The following SLC12A1 variants were observed in gnomAD, a reference collection of about 807,000 sequenced individuals.
SLC12A1 encodes the protein solute carrier family 12 member 1.
Under a neutral mutation model 130.4 loss-of-function variants are expected in SLC12A1, and 89 were observed. The observed-to-expected ratio is 0.68, with a 90% CI of 0.58 to 0.81. SLC12A1 has a LOEUF of 0.81. Among genes scored for constraint, SLC12A1 ranks in the 40% least tolerant of loss-of-function variants. The pLI is 0.00. For synonymous variants in SLC12A1, 499 were observed against 460.0 expected (o/e 1.08, Z -1.09); for missense variants, 1,310 against 1,336.4 (o/e 0.98, Z 0.31).
chr15:48,276,840 A>T (rs2041958929), intron 20 of SLC12A1, among the ~76,000 whole-genome samples: 1 of 152,174 alleles, frequency 6.6e-6, no homozygotes, highest in African/African-American at 2.4e-5. Context: ...AGGTGAAGAA[A>T]CCAGAAGTCT....
At chr15:48,247,887 A>C (rs554330658) in intron 13 of SLC12A1, among the ~76,000 whole-genome samples, 1 of 152,296 alleles carries the variant, frequency 6.6e-6, no homozygotes, top group East Asian at 1.9e-4. Flanking sequence ...CTTCAGGCCC[A>C]ATTCCAGAGT....
chr15:48,249,688 T>A lies in SLC12A1; in HGVS notation c.1786+12T>A. The A allele has an allele frequency of 6.3e-7, 1 of 1,574,964 alleles. No homozygotes were observed. The highest frequency in any genetic ancestry group is 8.7e-7 in the Non-Finnish European group (1 of 1,144,342). On this transcript the variant is annotated intron_variant, in intron 14 of 26. Coordinates refer to ENST00000380993, the MANE Select transcript of SLC12A1 (RefSeq NM_000338.3). ...TGCCAAATCTCCAGGTAAGCTGACT[T>A]CCAAACTAAAATATGCCTAAGCAAA...
intron 5 of SLC12A1, chr15:48,227,051 C>A (rs773219180): frequency 5.3e-6 from 8 of 1,507,660 alleles, no homozygotes; most frequent in South Asian, 4.8e-5. Flanking sequence ...GTACTGGAAC[C>A]AAACACCTTT....
At chr15:48,247,154 T>C in intron 12 of SLC12A1, 138 bp downstream of exon 12, 2 of 961,498 alleles carry the variant, frequency 2.1e-6, no homozygotes, top group East Asian at 2.4e-5. Context: ...TGGCTCAAGT[T>C]CTATGTCTGC....
chr15:48,251,247 C>T (rs1046844293), intron 14 of SLC12A1, among the ~76,000 whole-genome samples: 1 of 151,848 alleles, frequency 6.6e-6, no homozygotes, highest in African/African-American at 2.4e-5. Context: ...TTTCTCCTCC[C>T]CACCTGGTAG....
intron 16 of SLC12A1, 44 bp from the exon 17 acceptor site, chr15:48,259,156 G>A (rs765394251): frequency 2.4e-6 from 3 of 1,270,126 alleles, no homozygotes; most frequent in Non-Finnish European, 3.5e-6. Flanking sequence ...AAGGTTACAG[G>A]CTTCTTGCAG....
At chr15:48,240,067 A>ATAT (rs1197939998) in intron 9 of SLC12A1, among the ~76,000 whole-genome samples, 1 of 98,988 alleles carries the variant, frequency 1.0e-5, no homozygotes, top group African/African-American at 6.0e-5. Flanking sequence ...ATATATATAT[A>ATAT]TATCCATATA....
chr15:48,222,280 A>G (rs2041226291), intron 4 of SLC12A1: 1 of 152,152 alleles, frequency 6.6e-6, no homozygotes, highest in South Asian at 2.1e-4. Flanking sequence ...AGCCAAGGGC[A>G]AGAGTAATTC....
chr15:48,297,457 G>A (rs935097497), intron 24 of SLC12A1, among the ~76,000 whole-genome samples: 5 of 152,188 alleles, frequency 3.3e-5, no homozygotes, highest in African/African-American at 2.4e-5. Context: ...CCCACTGAAA[G>A]TACAATGAGG....
rs189590294 is a variant in SLC12A1, at chr15:48,283,186, T to C, written c.2486-1920T>C. On this transcript the variant is annotated intron_variant, in intron 20 of 26. Transcript: ENST00000380993. The stretch of plus-strand genomic sequence containing the variant: ...CCTATAGAATGCCATTCTTGCTCTG[T>C]TTTTTAAGGACCTCCAAAACACTAT... Among the ~76,000 whole-genome samples the C allele has an allele frequency of 5.9e-5, 9 of 152,328 alleles. No homozygotes were observed. The East Asian group carries it at 7.7e-4, about 13-fold the overall frequency.
At chr15:48,261,614 A>C (rs1250404813) in intron 17 of SLC12A1, among the ~76,000 whole-genome samples, 2 of 152,236 alleles carry the variant, frequency 1.3e-5, no homozygotes, top group Non-Finnish European at 2.9e-5. Flanking sequence ...CTCAGTCGTC[A>C]ATCATCTTTG....
intron 17 of SLC12A1, among the ~76,000 whole-genome samples, chr15:48,264,397 A>G (rs982634213): frequency 1.3e-5 from 2 of 152,194 alleles, no homozygotes; most frequent in African/African-American, 4.8e-5. Flanking sequence ...GAACTGCATA[A>G]GGAAGGCAGT....
At chr15:48,227,619 A>G (rs1567309916) in intron 5 of SLC12A1, 1 of 171,830 alleles carries the variant, frequency 5.8e-6, no homozygotes, top group Non-Finnish European at 1.2e-5. Context: ...CCAACAGGCA[A>G]GGGAAGATCA....
At chr15:48,274,679 C>T in intron 20 of SLC12A1, 26 bp downstream of exon 20, 3 of 1,526,584 alleles carry the variant, frequency 2.0e-6, no homozygotes, top group Non-Finnish European at 1.8e-6. Context: ...ATTCAACCAA[C>T]AAGTATTTAT....
At chr15:48,271,702 G>A (rs776738800) in intron 19 of SLC12A1, among the ~76,000 whole-genome samples, 5 of 152,148 alleles carry the variant, frequency 3.3e-5, no homozygotes, top group Non-Finnish European at 5.9e-5. Flanking sequence ...TATAAAGCCT[G>A]GGGCCACGTA....
chr15:48,209,480 A>C (rs1391382228), intron 2 of SLC12A1, among the ~76,000 whole-genome samples: 2 of 152,214 alleles, frequency 1.3e-5, no homozygotes, highest in African/African-American at 4.8e-5. Flanking sequence ...ATTCTTTATA[A>C]AACACAATTA....
At chr15:48,225,376 T>C (rs1199768609) in intron 4 of SLC12A1, 1 of 152,190 alleles carries the variant, frequency 6.6e-6, no homozygotes. Flanking sequence ...CTAGTTATCT[T>C]GACAGCTTGG....
At position 48,220,691 on chromosome 15, in the gene SLC12A1, G is replaced by A. The variant is rs149078785; in HGVS notation, c.478G>A (p.Gly160Arg). 1.5e-5 allele frequency: 25 copies of A among 1,613,660 alleles called. No individual in the cohort carries two copies. Among genetic ancestry groups the A allele is most frequent in the Non-Finnish European group, 1.8e-5 (21 of 1,179,788 alleles). ...DRVANGDGIP[G>R]DEQAENKEDD... ...AGTTGCTAACGGTGATGGGATACCTGGAGATGAACAAGCTGAAAATAAGGA... is the reference window on the plus strand; with the variant it reads ...AGTTGCTAACGGTGATGGGATACCTAGAGATGAACAAGCTGAAAATAAGGA... The change falls in exon 3 of 27, where the codon GGA becomes AGA. Residue 160 changes from glycine (G) to arginine (R), a missense_variant. Transcript: ENST00000380993.
intron 3 of SLC12A1, 41 bp from the exon 4 acceptor site, chr15:48,220,880 T>A: frequency 6.2e-7 from 1 of 1,612,386 alleles, no homozygotes. Flanking sequence ...TGTCCCACTA[T>A]CGTTTGTCCT....
Sources: gnomAD v4.1 joint callset for allele counts (sites outside exome capture counted in the v4.1 genomes callset) on GRCh38, gnomAD v4.1.1 for gene constraint, MANE v1.5 for transcripts, NCBI Gene and HGNC (gene_info 2026-07-23, HGNC 2026-07-21) for gene names.